Variants in SPAG16 observed in about 807,000 individuals in gnomAD.
SPAG16 encodes sperm associated antigen 16.
In SPAG16, 86 loss-of-function variants were observed where a neutral mutation model predicts 80.4. The ratio of observed to expected loss-of-function variants is 1.07; its 90% CI spans 0.90 to 1.28. SPAG16 has a LOEUF of 1.28. Ranked by LOEUF, SPAG16 falls within the 50% of genes most tolerant of loss-of-function variation. The probability of loss-of-function intolerance (pLI) is 0.00; values close to 1 mark genes in which losing one functional copy is unlikely to be tolerated. For synonymous variants in SPAG16, 294 were observed against 265.9 expected, an observed-to-expected ratio of 1.11 and a Z score of -1.03; for missense variants, 870 against 765.3, an observed-to-expected ratio of 1.14 and a Z score of -1.61.
At chr2:214,209,286 C>G (rs572670714) in intron 15 of SPAG16, among the ~76,000 whole-genome samples, 1 of 152,200 alleles carries the variant, frequency 6.6e-6, no homozygotes, top group East Asian at 1.9e-4. Flanking sequence ...CAGAAACTCC[C>G]CAGCCTAATT....
intron 15 of SPAG16, among the ~76,000 whole-genome samples, chr2:214,176,284 A>G (rs898494755): frequency 1.1e-4 from 16 of 151,228 alleles, no homozygotes; most frequent in African/African-American, 3.9e-4. Context: ...TTTTTTTAAA[A>G]AAAAAACAAT....
In SPAG16 at chr2:214,146,001, G is replaced by A. The variant is rs1465393890; in HGVS notation, c.1594-3139G>A. On this transcript the variant is annotated intron_variant, in intron 14 of 15. Coordinates refer to ENST00000331683, the MANE Select transcript of SPAG16 (RefSeq NM_024532.5). ...ACCTTCAGTAGCTTCCCATCCTCAG[G>A]ATCAGTACTACTACCAATGATAACC... 3.3e-5 allele frequency among the ~76,000 whole-genome samples: 5 copies of A among 152,066 alleles called. No homozygotes were observed. In the South Asian group the frequency reaches 6.2e-4, roughly 19 times the overall value.
chr2:214,120,615 T>C (rs941483556), intron 14 of SPAG16, among the ~76,000 whole-genome samples: 2 of 151,854 alleles, frequency 1.3e-5, no homozygotes, highest in Non-Finnish European at 2.9e-5. Context: ...TTGTACCCAA[T>C]GAGTAATTTT....
Position 213,459,205 on chromosome 2 carries a change from T to A in SPAG16, c.943-30758T>A, listed in dbSNP as rs550600545. Among the ~76,000 whole-genome samples the A allele has an allele frequency of 3.3e-5, 5 of 152,330 alleles. No individual in the cohort carries two copies. The South Asian group carries it at 1.0e-3, about 32-fold the overall frequency. On this transcript the variant is annotated intron_variant, in intron 9 of 15. Coordinates refer to ENST00000331683, the MANE Select transcript of SPAG16 (RefSeq NM_024532.5). ...CTGAGTTCTTCATTTTCTGCATTCT[T>A]GTTGGTGAGTTTCTAATGTCCATCA... is the stretch of plus-strand genomic sequence containing the variant.
intron 9 of SPAG16, chr2:213,396,829 A>G (rs1425356864): frequency 4.1e-6 from 1 of 241,048 alleles, no homozygotes; most frequent in African/African-American, 2.3e-5. Context: ...TACAGTCTTC[A>G]TAAAAGGAGT....
chr2:214,103,041 G>A (rs2053164544), intron 13 of SPAG16, among the ~76,000 whole-genome samples: 1 of 152,104 alleles, frequency 6.6e-6, no homozygotes, highest in Non-Finnish European at 1.5e-5. Flanking sequence ...GCACAGGCAT[G>A]CAGTGTGTTT....
At chr2:214,180,609 AG>A (rs1381621630) in intron 15 of SPAG16, among the ~76,000 whole-genome samples, 1 of 151,634 alleles carries the variant, frequency 6.6e-6, no homozygotes, top group Non-Finnish European at 1.5e-5. Flanking sequence ...AAAACAAGGT[AG>A]CATTCAGGAA....
chr2:213,978,034 CT>C (rs201843588), intron 12 of SPAG16, among the ~76,000 whole-genome samples: 7,603 of 144,468 alleles, frequency 0.053, 498 homozygotes, highest in African/African-American at 0.15. Flanking sequence ...CTTTATAGGG[CT>C]TTTTTTTTTT....
intron 9 of SPAG16, among the ~76,000 whole-genome samples, chr2:213,436,147 G>A (rs772117720): frequency 6.6e-6 from 1 of 152,192 alleles, no homozygotes; most frequent in Non-Finnish European, 1.5e-5. Context: ...TATTTATTAG[G>A]TGTTTAATGT....
At chr2:214,371,532 CA>C (rs199553043) in intron 15 of SPAG16, among the ~76,000 whole-genome samples, 5,964 of 78,324 alleles carry the variant, frequency 0.076, 158 homozygotes, top group African/African-American at 0.11. Flanking sequence ...AAATCCTTCT[CA>C]AAAAAAAAAA....
chr2:213,403,154 T>A (rs534750752), intron 9 of SPAG16, among the ~76,000 whole-genome samples: 5 of 152,304 alleles, frequency 3.3e-5, no homozygotes, highest in Non-Finnish European at 1.5e-5. Context: ...ATTGTGGTTT[T>A]GATTTGCATT....
chr2:213,909,080 A>G (rs910448476), intron 11 of SPAG16, among the ~76,000 whole-genome samples: 16 of 152,136 alleles, frequency 1.1e-4, no homozygotes, highest in African/African-American at 3.6e-4. Flanking sequence ...TTATACACCA[A>G]AAACAGACAA....
intron 10 of SPAG16, among the ~76,000 whole-genome samples, chr2:213,596,052 A>G (rs549171310): frequency 3.3e-5 from 5 of 152,224 alleles, no homozygotes; most frequent in African/African-American, 9.6e-5. Flanking sequence ...ATGATTATAA[A>G]TTACCAGCAG....
intron 9 of SPAG16, among the ~76,000 whole-genome samples, chr2:213,402,977 G>A (rs1385114616): frequency 6.6e-6 from 1 of 151,950 alleles, no homozygotes; most frequent in Admixed American, 6.5e-5. Context: ...GGTATTTCTA[G>A]TTCTAGATCC....
At chr2:213,403,944 A>G (rs572703021) in intron 9 of SPAG16, among the ~76,000 whole-genome samples, 91 of 152,258 alleles carry the variant, frequency 6.0e-4, no homozygotes, top group African/African-American at 2.1e-3. Flanking sequence ...TCATGAGTGA[A>G]CTCCCATTCA....
intron 10 of SPAG16, among the ~76,000 whole-genome samples, chr2:213,565,991 G>GT (rs1169806676): frequency 2.0e-5 from 3 of 152,166 alleles, no homozygotes; most frequent in Non-Finnish European, 4.4e-5. Flanking sequence ...AGCAGGAGAG[G>GT]ATTCATTAGC....
chr2:213,746,455 C>T (rs1006042794), intron 10 of SPAG16, among the ~76,000 whole-genome samples: 1 of 152,170 alleles, frequency 6.6e-6, no homozygotes, highest in Non-Finnish European at 1.5e-5. Context: ...CAAGGCAATA[C>T]TCTGTGGTTG....
At chr2:213,620,175 A>G (rs2061722472) in intron 10 of SPAG16, among the ~76,000 whole-genome samples, 1 of 152,082 alleles carries the variant, frequency 6.6e-6, no homozygotes, top group Non-Finnish European at 1.5e-5. Flanking sequence ...GAAGAGGGAA[A>G]GAAAAAAAGG....
At chr2:213,881,539 G>T (rs2076344817) in intron 11 of SPAG16, among the ~76,000 whole-genome samples, 1 of 152,186 alleles carries the variant, frequency 6.6e-6, no homozygotes, top group African/African-American at 2.4e-5. Flanking sequence ...TCACAGTTCA[G>T]CATGGCTGGG....
Sources: gnomAD v4.1 joint callset for allele counts (sites outside exome capture counted in the v4.1 genomes callset) on GRCh38, gnomAD v4.1.1 for gene constraint, MANE v1.5 for transcripts, NCBI Gene and HGNC (gene_info 2026-07-23, HGNC 2026-07-21) for gene names.